Variants in KCNT1 observed in about 807,000 individuals in gnomAD.
KCNT1 encodes potassium channel subfamily T member 1.
In KCNT1, 78 loss-of-function variants were observed where a neutral mutation model predicts 147.8. The ratio of observed to expected loss-of-function variants is 0.53; its 90% confidence interval spans 0.44 to 0.64. KCNT1 has a LOEUF of 0.64. Ranked by LOEUF, KCNT1 falls within the 30% of genes least tolerant of loss-of-function variation. The pLI is 0.00. For missense variants in KCNT1, 1,419 were observed against 1,750.3 expected (o/e 0.81, Z 3.38); for synonymous variants, 867 against 748.8 (o/e 1.16, Z -2.58).
At chr9:135,710,932 CCT>C (rs751208863) in intron 1 of KCNT1, among the ~76,000 whole-genome samples, 3 of 152,126 alleles carry the variant, frequency 2.0e-5, no homozygotes, top group Non-Finnish European at 2.9e-5. Context: ...GCTGTGCGCC[CCT>C]GTGGGTTTGG....
intron 2 of KCNT1, among the ~76,000 whole-genome samples, chr9:135,739,601 G>A (rs903400391): frequency 2.6e-5 from 4 of 151,976 alleles, no homozygotes; most frequent in African/African-American, 4.8e-5. Flanking sequence ...ACACCGGCTC[G>A]GCACACCCCT....
In KCNT1 at chr9:135,730,543, G is replaced by A. The variant is rs539080081; in HGVS notation, c.254+15823G>A. 6.6e-6 allele frequency among the ~76,000 whole-genome samples: 1 copy of A among 152,256 alleles called. No individual in the cohort carries two copies. The highest frequency in any genetic ancestry group is 2.1e-4 in the South Asian group (1 of 4,820). ...GAGCAGGGGAAGCAAGGACTGGAGCGATGGGAGGAGGGGCCCAGCCGGGGA... is the reference window on the plus strand; with the variant it reads ...GAGCAGGGGAAGCAAGGACTGGAGCAATGGGAGGAGGGGCCCAGCCGGGGA... On this transcript the variant is annotated intron_variant, in intron 2 of 30. Coordinates refer to ENST00000371757, the MANE Select transcript of KCNT1 (RefSeq NM_020822.3). This position sits in a 1 kb window ranked among gnomAD's most constrained non-coding sequence, Gnocchi z 4.7.
intron 24 of KCNT1, among the ~76,000 whole-genome samples, chr9:135,783,569 CA>C (rs1186813074): frequency 1.3e-5 from 2 of 152,238 alleles, no homozygotes; most frequent in Non-Finnish European, 2.9e-5. Flanking sequence ...GCCTGGAGCA[CA>C]GGGACGGGGA....
chr9:135,771,598 C>T (rs1040757235), intron 18 of KCNT1, among the ~76,000 whole-genome samples: 6 of 152,234 alleles, frequency 3.9e-5, no homozygotes, highest in African/African-American at 7.2e-5. Context: ...GGAGTCCTGA[C>T]GTCCACTGGG....
chr9:135,768,999 G>C (rs908450527), intron 15 of KCNT1, 62 bp downstream of exon 15: 3 of 1,290,524 alleles, frequency 2.3e-6, no homozygotes, highest in African/African-American at 1.5e-5. Context: ...GCACACGTGG[G>C]TGATGGTGCA....
intron 12 of KCNT1, among the ~76,000 whole-genome samples, 199 bp downstream of exon 12, chr9:135,765,394 G>A (rs1832195860): frequency 6.7e-6 from 1 of 148,544 alleles, no homozygotes; most frequent in Non-Finnish European, 1.5e-5. Flanking sequence ...AGGACTGCTT[G>A]GCAAGTCCCT....
intron 29 of KCNT1, chr9:135,788,221 G>A (rs909398750): frequency 3.2e-5 from 45 of 1,403,616 alleles, no homozygotes; most frequent in South Asian, 6.9e-5. Context: ...ACCCTTCACC[G>A]CCGGCAGCCT....
intron 2 of KCNT1, among the ~76,000 whole-genome samples, chr9:135,743,147 T>C (rs1830649299): frequency 6.6e-6 from 1 of 152,022 alleles, no homozygotes; most frequent in Admixed American, 6.5e-5. Context: ...TGCTGGGGCC[T>C]GGGCTCTGGC....
At chr9:135,735,832 C>A (rs375957209) in intron 2 of KCNT1, among the ~76,000 whole-genome samples, 1 of 152,236 alleles carries the variant, frequency 6.6e-6, no homozygotes, top group Non-Finnish European at 1.5e-5. Flanking sequence ...CTGCCTCTAC[C>A]GAGCTGGCTT....
chr9:135,768,576 G>C, intron 13 of KCNT1, 34 bp from the exon 14 acceptor site: 2 of 1,540,892 alleles, frequency 1.3e-6, no homozygotes, highest in Non-Finnish European at 1.8e-6. Flanking sequence ...CACCTCCCCT[G>C]CTCCACCCAC....
At chr9:135,720,499 C>T (rs546205676) in intron 2 of KCNT1, among the ~76,000 whole-genome samples, 3 of 152,264 alleles carry the variant, frequency 2.0e-5, no homozygotes, top group Non-Finnish European at 4.4e-5. Flanking sequence ...CTGCCCAGCC[C>T]TCCCAGCTCC....
intron 11 of KCNT1, 106 bp downstream of exon 11, chr9:135,759,965 C>T: frequency 9.1e-7 from 1 of 1,097,350 alleles, no homozygotes. Context: ...GGGGCCACTC[C>T]CAGGAGGGGA....
chr9:135,778,999 A>AC (rs1242406502), intron 23 of KCNT1, among the ~76,000 whole-genome samples, 177 bp downstream of exon 23: 3 of 118,874 alleles, frequency 2.5e-5, no homozygotes, highest in Non-Finnish European at 3.4e-5. Context: ...TCGCCCTGAG[A>AC]CCCCCACAGC....
At position 135,777,528 on chromosome 9, in the gene KCNT1, C is replaced by T. The variant is rs1376870315; in HGVS notation, c.2522+18C>T. ...GACAACAAGTGAGGCTCCTGGGGCT[C>T]AGCCCACCCCGCCCACCCGGGCCCT... On this transcript the variant is annotated intron_variant, in intron 21 of 30. Transcript: ENST00000371757. 1 of 1,607,300 alleles carries T rather than the reference C, an allele frequency of 6.2e-7. No individual in the cohort carries two copies. Among genetic ancestry groups the T allele is most frequent in the Non-Finnish European group, 8.5e-7 (1 of 1,177,488 alleles).
chr9:135,754,160 G>A (rs1219398156), intron 5 of KCNT1, among the ~76,000 whole-genome samples, 167 bp downstream of exon 5: 1 of 152,192 alleles, frequency 6.6e-6, no homozygotes, highest in Non-Finnish European at 1.5e-5. Context: ...CAGGCGCTCA[G>A]AGGCCTGGGA....
chr9:135,763,359 ACCCCGAGGC>A (rs1272953475), intron 11 of KCNT1, among the ~76,000 whole-genome samples: 11 of 152,212 alleles, frequency 7.2e-5, no homozygotes, highest in Non-Finnish European at 1.3e-4. Context: ...CAGAGTGATG[ACCCCGAGGC>A]CCTCGCTCAC....
chr9:135,761,502 G>A (rs909361588), intron 11 of KCNT1, among the ~76,000 whole-genome samples: 3 of 152,220 alleles, frequency 2.0e-5, no homozygotes, highest in South Asian at 2.1e-4. Context: ...GCCCCAATCC[G>A]TAAATCTCAC....
chr9:135,777,526 C>T lies in KCNT1; in HGVS notation c.2522+16C>T. 6.2e-7 allele frequency: 1 copy of T among 1,608,888 alleles called. No individual in the cohort carries two copies. The highest frequency in any genetic ancestry group is 8.5e-7 in the Non-Finnish European group (1 of 1,178,210). Reference sequence around the variant, plus strand: ...TGGACAACAAGTGAGGCTCCTGGGGCTCAGCCCACCCCGCCCACCCGGGCC... The same window carrying T: ...TGGACAACAAGTGAGGCTCCTGGGGTTCAGCCCACCCCGCCCACCCGGGCC... On this transcript the variant is annotated intron_variant, in intron 21 of 30. Transcript: ENST00000371757.
At chr9:135,710,162 C>T (rs1268888595) in intron 1 of KCNT1, among the ~76,000 whole-genome samples, 1 of 152,148 alleles carries the variant, frequency 6.6e-6, no homozygotes, top group African/African-American at 2.4e-5. Context: ...AAATCTATTC[C>T]TCTTGGAATA....
Sources: allele counts gnomAD v4.1 joint callset (sites outside exome capture counted in the v4.1 genomes callset), GRCh38; gene constraint gnomAD v4.1.1; non-coding constraint Gnocchi (gnomAD v3.1); transcripts MANE v1.5; gene names NCBI Gene and HGNC (gene_info 2026-07-23, HGNC 2026-07-21).